The following GPC6 variants were observed in gnomAD, a reference collection of about 807,000 sequenced individuals.
GPC6 encodes glypican-6.
GPC6 carries 14 observed loss-of-function variants against 55.2 expected under a neutral mutation model. That is an observed-to-expected ratio of 0.25 (90% CI 0.17 to 0.40). The LOEUF (loss-of-function observed/expected upper bound fraction) is 0.40, where lower values mean the gene tolerates loss of function less well. GPC6 is among the 10% of genes least tolerant of loss of function. The probability of loss-of-function intolerance (pLI) is 1.00; values close to 1 mark genes in which losing one functional copy is unlikely to be tolerated. For synonymous variants in GPC6, 278 were observed against 259.6 expected (o/e 1.07, Z -0.68); for missense variants, 641 against 708.5 (o/e 0.90, Z 1.08).
intron 4 of GPC6, among the ~76,000 whole-genome samples, chr13:94,223,579 C>T (rs1160476102): frequency 6.6e-6 from 1 of 152,114 alleles, no homozygotes; most frequent in Non-Finnish European, 1.5e-5. Context: ...TTCCTCCCTG[C>T]GTAGCTCCAT....
Position 93,444,509 on chromosome 13 carries a change from C to T in GPC6, c.161-100754C>T, listed in dbSNP as rs528490044. ...GTAGTCCCAGCTACGCGGGAGACTG[C>T]GGCAGAAGAATCGCTTGAACCTGGG... is the stretch of plus-strand genomic sequence containing the variant. On this transcript the variant is annotated intron_variant, in intron 1 of 8. Coordinates refer to ENST00000377047, the MANE Select transcript of GPC6 (RefSeq NM_005708.5). Among the ~76,000 whole-genome samples, 8 of 152,060 alleles carry T rather than the reference C, an allele frequency of 5.3e-5. No individual in the cohort carries two copies. The South Asian group carries it at 1.7e-3, about 32-fold the overall frequency.
chr13:94,307,910 A>C (rs1401611024), intron 6 of GPC6, among the ~76,000 whole-genome samples: 1 of 152,182 alleles, frequency 6.6e-6, no homozygotes, highest in African/African-American at 2.4e-5. Flanking sequence ...AATCTAATTT[A>C]AGAACAGGAG....
intron 1 of GPC6, among the ~76,000 whole-genome samples, chr13:93,350,928 CACAT>C (rs1348219363): frequency 2.0e-5 from 3 of 152,028 alleles, no homozygotes; most frequent in Non-Finnish European, 4.4e-5. Flanking sequence ...GAGTCACACA[CACAT>C]ACACACAGAC....
At chr13:93,982,272 CA>C (rs1375159058) in intron 3 of GPC6, among the ~76,000 whole-genome samples, 1 of 152,090 alleles carries the variant, frequency 6.6e-6, no homozygotes, top group African/African-American at 2.4e-5. Context: ...TCAAAAAATG[CA>C]GTCTCTACAT....
rs188281757 is a variant in GPC6 at position 94,245,258 on chromosome 13, C to G, written c.878-41091C>G. On this transcript the variant is annotated intron_variant, in intron 4 of 8. Transcript: ENST00000377047. The stretch of plus-strand genomic sequence containing the variant: ...TCATTTATTTATTTTTTAGATGGTA[C>G]ATATAAATGAGATCATGCAGCCTGG... 7.4e-3 allele frequency among the ~76,000 whole-genome samples: 1,130 copies of G among 151,930 alleles called. 9 individuals are homozygous for G. The highest frequency in any genetic ancestry group is 0.024 in the Middle Eastern group (7 of 294).
chr13:93,288,148 T>G (rs1878199706), intron 1 of GPC6, among the ~76,000 whole-genome samples: 1 of 152,154 alleles, frequency 6.6e-6, no homozygotes, highest in African/African-American at 2.4e-5. Context: ...CTTATAAAAT[T>G]GAAATAATTA....
intron 1 of GPC6, among the ~76,000 whole-genome samples, chr13:93,293,783 C>G (rs1359608847): frequency 6.6e-6 from 1 of 151,964 alleles, no homozygotes; most frequent in East Asian, 1.9e-4. Context: ...AATTAGTACA[C>G]AGAGTTCTGG....
intron 3 of GPC6, among the ~76,000 whole-genome samples, chr13:93,945,237 T>C (rs149686369): frequency 3.3e-5 from 5 of 152,208 alleles, no homozygotes; most frequent in Admixed American, 3.3e-4. Flanking sequence ...AATAATATAA[T>C]GTAAAATACT....
At chr13:94,330,424 T>C (rs1012604694) in intron 6 of GPC6, among the ~76,000 whole-genome samples, 3 of 152,182 alleles carry the variant, frequency 2.0e-5, no homozygotes, top group Non-Finnish European at 4.4e-5. Flanking sequence ...TATTTAGAGA[T>C]GTTGATCTGT....
intron 1 of GPC6, among the ~76,000 whole-genome samples, chr13:93,458,154 G>A (rs1878540129): frequency 6.6e-6 from 1 of 152,150 alleles, no homozygotes; most frequent in Non-Finnish European, 1.5e-5. Flanking sequence ...TTGTTTTGTA[G>A]AAAGGAGAAT....
rs985402970 is a variant in GPC6 at position 93,640,166 on chromosome 13, T to C, written c.319+94745T>C. Among the ~76,000 whole-genome samples the C allele has an allele frequency of 2.6e-5, 4 of 152,128 alleles. No individual in the cohort carries two copies. The South Asian group carries it at 8.3e-4, about 31-fold the overall frequency. On this transcript the variant is annotated intron_variant, in intron 2 of 8. Transcript: ENST00000377047. ...TTTTAGGGATTTTTAGACATTATCC[T>C]GAGAAGGTCTTCACAGGCTTCAGGA...
intron 2 of GPC6, among the ~76,000 whole-genome samples, chr13:93,602,856 T>A (rs1428680076): frequency 6.6e-6 from 1 of 152,222 alleles, no homozygotes; most frequent in Non-Finnish European, 1.5e-5. Context: ...TTTCGGTTTC[T>A]AGTAGATCTG....
At chr13:93,432,179 G>T (rs572302748) in intron 1 of GPC6, among the ~76,000 whole-genome samples, 58 of 152,242 alleles carry the variant, frequency 3.8e-4, no homozygotes, top group African/African-American at 1.3e-3. Flanking sequence ...CTGTCATAAA[G>T]ACAAATTAGA....
intron 3 of GPC6, among the ~76,000 whole-genome samples, chr13:93,898,587 A>T (rs1876152497): frequency 6.6e-6 from 1 of 152,112 alleles, no homozygotes; most frequent in Non-Finnish European, 1.5e-5. Flanking sequence ...GCAGCATATC[A>T]AACCAATTTC....
rs1216435883 is a variant in GPC6, at chr13:94,293,814, C to T, written c.1008+7335C>T. On this transcript the variant is annotated intron_variant, in intron 5 of 8. Transcript: ENST00000377047. ...TGTCAGATTCAAAGACAAAGACTTT[C>T]CCAGCATGCCATGCTGTTTCCTCAG... 4.6e-5 allele frequency among the ~76,000 whole-genome samples: 7 copies of T among 152,192 alleles called. No homozygotes were observed. The East Asian group carries it at 7.7e-4, about 17-fold the overall frequency.
intron 2 of GPC6, among the ~76,000 whole-genome samples, chr13:93,738,390 A>C (rs1884074738): frequency 6.6e-6 from 1 of 152,234 alleles, no homozygotes; most frequent in African/African-American, 2.4e-5. Context: ...CAGTGACCAT[A>C]AAGAATGATT....
intron 2 of GPC6, among the ~76,000 whole-genome samples, chr13:93,797,596 CT>C (rs1260045692): frequency 2.6e-5 from 4 of 152,138 alleles, no homozygotes; most frequent in Non-Finnish European, 4.4e-5. Context: ...GGAAGTGGCT[CT>C]TTTGTTCTCC....
chr13:93,555,591 A>AGTTCTAAC (rs1875419222), intron 2 of GPC6, among the ~76,000 whole-genome samples: 2 of 152,198 alleles, frequency 1.3e-5, no homozygotes, highest in African/African-American at 4.8e-5. Context: ...CAGTGGATTT[A>AGTTCTAAC]ATGGAACTAA....
At chr13:93,810,887 C>T (rs959275766) in intron 2 of GPC6, among the ~76,000 whole-genome samples, 3 of 152,164 alleles carry the variant, frequency 2.0e-5, no homozygotes, top group African/African-American at 7.2e-5. Context: ...TGATAAGAAA[C>T]TGATAACCAG....
Sources: allele counts gnomAD v4.1 joint callset (sites outside exome capture counted in the v4.1 genomes callset), GRCh38; gene constraint gnomAD v4.1.1; transcripts MANE v1.5; gene names NCBI Gene and HGNC (gene_info 2026-07-23, HGNC 2026-07-21).